The following PDE1A variants were observed in gnomAD, a reference collection of about 807,000 sequenced individuals.
The protein encoded by PDE1A is phosphodiesterase 1A.
In PDE1A, 35 loss-of-function variants were observed where a neutral mutation model predicts 61.7. That is an observed-to-expected ratio of 0.57 (90% confidence interval 0.43 to 0.75). PDE1A has a LOEUF of 0.75. Among genes scored for constraint, PDE1A ranks in the 30% least tolerant of loss-of-function variants. The pLI is 0.00. For synonymous variants in PDE1A, 232 were observed against 213.2 expected (o/e 1.09, Z -0.77); for missense variants, 597 against 630.6 (o/e 0.95, Z 0.57).
the PDE1A span, among the ~76,000 whole-genome samples, chr2:182,540,474 AG>A: frequency 6.6e-6 from 1 of 151,988 alleles, no homozygotes; most frequent in Non-Finnish European, 1.5e-5. Flanking sequence ...GATACAGAAA[AG>A]GGAAGCTATT....
intron 7 of PDE1A, among the ~76,000 whole-genome samples, chr2:182,210,862 T>G (rs538758783): frequency 1.3e-5 from 2 of 151,872 alleles, no homozygotes; most frequent in Non-Finnish European, 2.9e-5. Context: ...GTGTGTTTTA[T>G]GCTGATGTGA....
At chr2:182,478,297 C>T (rs150190081) in intron 2 of PDE1A, among the ~76,000 whole-genome samples, 34 of 151,854 alleles carry the variant, frequency 2.2e-4, no homozygotes, top group Non-Finnish European at 4.6e-4. Context: ...GATAAAACAT[C>T]CATTAGGTAT....
chr2:182,702,140 G>C, the PDE1A span, among the ~76,000 whole-genome samples: 1 of 152,166 alleles, frequency 6.6e-6, no homozygotes, highest in Non-Finnish European at 1.5e-5. Context: ...GTCTCACTCT[G>C]TCGCCCAGGC....
intron 2 of PDE1A, among the ~76,000 whole-genome samples, chr2:182,508,151 T>C (rs949990351): frequency 1.3e-5 from 2 of 151,796 alleles, no homozygotes; most frequent in African/African-American, 4.8e-5. Context: ...ATTATCTCAA[T>C]AGATTCAAAA....
chr2:182,373,413 T>C (rs551940741), intron 1 of PDE1A, among the ~76,000 whole-genome samples: 2 of 152,338 alleles, frequency 1.3e-5, no homozygotes, highest in South Asian at 4.1e-4. Flanking sequence ...AATCTATTAA[T>C]GTCAGTACAA....
intron 13 of PDE1A, among the ~76,000 whole-genome samples, chr2:182,177,314 C>T (rs1355081028): frequency 6.6e-6 from 1 of 151,932 alleles, no homozygotes; most frequent in Non-Finnish European, 1.5e-5. Flanking sequence ...TCCATCTGGT[C>T]CTGGACTCTT....
chr2:182,201,577 T>G lies in PDE1A; in HGVS notation c.1005-18A>C. 6.2e-7 allele frequency: 1 copy of G among 1,609,924 alleles called. No homozygotes were observed. Among genetic ancestry groups the G allele is most frequent in the Non-Finnish European group, 8.5e-7 (1 of 1,179,234 alleles). On this transcript the variant is annotated intron_variant, in intron 9 of 13. Coordinates refer to ENST00000351439, the Ensembl canonical transcript of PDE1A. The stretch of plus-strand genomic sequence containing the variant: ...TGTCAATCCTGTCAAACCAAGGACA[T>G]GCTTATATTATTCAAAACAAAGGAA...
intron 2 of PDE1A, among the ~76,000 whole-genome samples, chr2:182,495,504 A>G (rs956675150): frequency 1.3e-5 from 2 of 152,148 alleles, no homozygotes; most frequent in African/African-American, 4.8e-5. Context: ...CATGGGTTTT[A>G]TTTAGTCTTC....
chr2:182,617,506 C>A, the PDE1A span, among the ~76,000 whole-genome samples: 1 of 152,136 alleles, frequency 6.6e-6, no homozygotes, highest in African/African-American at 2.4e-5. Context: ...TTGCTGAGTT[C>A]TATGAACACT....
the PDE1A span, among the ~76,000 whole-genome samples, chr2:182,583,301 T>C: frequency 6.6e-6 from 1 of 152,310 alleles, no homozygotes; most frequent in East Asian, 1.9e-4. Flanking sequence ...GAGGAAATTA[T>C]CAGAATAATA....
the PDE1A span, among the ~76,000 whole-genome samples, chr2:182,657,187 C>T: frequency 1.3e-5 from 2 of 152,258 alleles, no homozygotes; most frequent in South Asian, 2.1e-4. Context: ...CGCGCCACTG[C>T]ACTCCAGCCT....
chr2:182,423,535 A>G (rs1164028745), intron 1 of PDE1A, among the ~76,000 whole-genome samples: 1 of 152,214 alleles, frequency 6.6e-6, no homozygotes, highest in Non-Finnish European at 1.5e-5. Flanking sequence ...GTGCTGATGA[A>G]AAACTGATTT....
intron 13 of PDE1A, among the ~76,000 whole-genome samples, chr2:182,182,105 G>C (rs1305440907): frequency 2.6e-5 from 4 of 152,094 alleles, no homozygotes; most frequent in East Asian, 1.9e-4. Context: ...AAGTCTCTCT[G>C]GGGTAAAAAT....
At chr2:182,559,977 G>A in the PDE1A span, among the ~76,000 whole-genome samples, 1 of 151,902 alleles carries the variant, frequency 6.6e-6, no homozygotes, top group Non-Finnish European at 1.5e-5. Flanking sequence ...GGAGCAGCCA[G>A]TGACTGGAAG....
intron 1 of PDE1A, among the ~76,000 whole-genome samples, chr2:182,424,983 CAA>C (rs1372521531): frequency 6.6e-6 from 1 of 152,172 alleles, no homozygotes; most frequent in East Asian, 1.9e-4. Flanking sequence ...TCAGCTTCCA[CAA>C]AGTTCTATTT....
Position 182,249,783 on chromosome 2 carries a change from A to G in PDE1A, c.168-9491T>C, listed in dbSNP as rs1691265194. Among the ~76,000 whole-genome samples the G allele has an allele frequency of 3.3e-5, 5 of 149,662 alleles. No homozygotes were observed. The Admixed American group carries it at 3.4e-4, about 10-fold the overall frequency. On this transcript the variant is annotated intron_variant, in intron 2 of 13. Coordinates refer to ENST00000351439, the Ensembl canonical transcript of PDE1A. ...AAACCAAAACTCTAAAGGTAACACCAATCCTTCACTCAGGCTTCAGAACTG... is the reference window on the plus strand; with the variant it reads ...AAACCAAAACTCTAAAGGTAACACCGATCCTTCACTCAGGCTTCAGAACTG...
chr2:182,264,803 C>T (rs1692486351), intron 1 of PDE1A, among the ~76,000 whole-genome samples: 1 of 146,320 alleles, frequency 6.8e-6, no homozygotes, highest in Middle Eastern at 3.7e-3. Context: ...TCTTAATTCA[C>T]AGTTGCAAAA....
At chr2:182,386,730 A>C (rs1701119091) in intron 1 of PDE1A, among the ~76,000 whole-genome samples, 1 of 151,560 alleles carries the variant, frequency 6.6e-6, no homozygotes, top group Non-Finnish European at 1.5e-5. Context: ...TCCGCCCGGC[A>C]GCCACCTCGT....
chr2:182,389,268 T>C (rs1176876585), intron 1 of PDE1A, among the ~76,000 whole-genome samples: 1 of 151,946 alleles, frequency 6.6e-6, no homozygotes, highest in Non-Finnish European at 1.5e-5. Context: ...CAAAGCAAAG[T>C]CAGGAAACTA....
Sources: allele counts gnomAD v4.1 joint callset (sites outside exome capture counted in the v4.1 genomes callset), GRCh38; gene constraint gnomAD v4.1.1; transcripts MANE v1.5; gene names NCBI Gene and HGNC (gene_info 2026-07-23, HGNC 2026-07-21).